The following GIPC2 variants were observed in gnomAD, a reference collection of about 807,000 sequenced individuals.
GIPC2 encodes the protein PDZ domain-containing protein GIPC2.
A neutral mutation model predicts 30.6 loss-of-function variants in GIPC2; 30 were observed. That is an observed-to-expected ratio of 0.98 (90% CI 0.73 to 1.33). The LOEUF is 1.33. Ranked by LOEUF, GIPC2 falls within the 40% of genes most tolerant of loss-of-function variation. The pLI, the probability that GIPC2 is intolerant of heterozygous loss-of-function variation, is 0.00. For synonymous variants in GIPC2, 167 were observed against 150.0 expected (o/e 1.11, Z -0.83); for missense variants, 414 against 390.3 (o/e 1.06, Z -0.51).
chr1:78,049,876 C>T (rs1341104232), intron 1 of GIPC2, among the ~76,000 whole-genome samples: 3 of 147,308 alleles, frequency 2.0e-5, no homozygotes, highest in East Asian at 2.0e-4. Context: ...ATTCCAAATA[C>T]GAACCCAGAA....
intron 2 of GIPC2, among the ~76,000 whole-genome samples, chr1:78,083,829 G>A (rs1661876389): frequency 6.6e-6 from 1 of 152,142 alleles, no homozygotes; most frequent in Non-Finnish European, 1.5e-5. Context: ...TTTTGACATG[G>A]CTCCTATCAT....
chr1:78,050,657 G>T (rs956074659), intron 1 of GIPC2, among the ~76,000 whole-genome samples: 2 of 147,532 alleles, frequency 1.4e-5, no homozygotes. Flanking sequence ...TTTTTGTGAC[G>T]GGAGTCTCGC....
Position 78,136,244 on chromosome 1 carries a change from T to C in GIPC2, c.*501T>C, listed in dbSNP as rs1422860618. On this transcript the variant is annotated 3_prime_UTR_variant, in exon 6 of 6. Coordinates refer to ENST00000370759, the MANE Select transcript of GIPC2 (RefSeq NM_017655.6). ...TTGGTCTAGAAGCATTGGTTTTTTT[T>C]TGATCCTCTGAGTAAGGGAAGGAAG... 1.3e-5 allele frequency: 2 copies of C among 152,196 alleles called. No homozygotes were observed. The highest frequency in any genetic ancestry group is 2.9e-5 in the Non-Finnish European group (2 of 68,028). 9.4% of individuals were successfully genotyped at this position (152,196 alleles called of 1,614,324 possible). A position where few individuals can be genotyped will look rare whatever the true frequency, so the allele number is the denominator to read the frequency against.
intron 5 of GIPC2, among the ~76,000 whole-genome samples, chr1:78,132,214 T>C (rs1307626473): frequency 1.3e-5 from 2 of 152,232 alleles, no homozygotes; most frequent in Non-Finnish European, 1.5e-5. Flanking sequence ...AGGAATCAAA[T>C]AATCTGTATA....
At chr1:78,062,171 G>A (rs1661406287) in intron 1 of GIPC2, among the ~76,000 whole-genome samples, 1 of 152,182 alleles carries the variant, frequency 6.6e-6, no homozygotes, top group Non-Finnish European at 1.5e-5. Context: ...AATGATAACT[G>A]TGTATCTATT....
intron 3 of GIPC2, among the ~76,000 whole-genome samples, chr1:78,098,751 C>T (rs975534764): frequency 6.6e-6 from 1 of 151,542 alleles, no homozygotes; most frequent in Admixed American, 6.6e-5. Context: ...TTTGGGTGGG[C>T]CCTAATCCAA....
intron 1 of GIPC2, 35 bp downstream of exon 1, chr1:78,046,369 C>CCGCCGCGCCGCGCCGCGCCGCGCCG (rs370883891): frequency 5.8e-6 from 9 of 1,557,716 alleles, no homozygotes; most frequent in Non-Finnish European, 4.4e-6. Context: ...TCCCGCCTCT[C>CCGCCGCGCCGCGCCGCGCCGCGCCG]CGCCGCGCCG....
intron 3 of GIPC2, among the ~76,000 whole-genome samples, 167 bp downstream of exon 3, chr1:78,095,299 A>G (rs906604355): frequency 3.3e-5 from 5 of 152,220 alleles, no homozygotes; most frequent in South Asian, 4.1e-4. Context: ...AAGAAAGACA[A>G]CTATTGAAGG....
At chr1:78,129,193 T>A (rs1662843439) in intron 5 of GIPC2, among the ~76,000 whole-genome samples, 1 of 152,214 alleles carries the variant, frequency 6.6e-6, no homozygotes, top group Non-Finnish European at 1.5e-5. Flanking sequence ...TCATTACACA[T>A]GATTAGCAAT....
At chr1:78,046,446 G>T (rs1661088924) in intron 1 of GIPC2, 112 bp downstream of exon 1, 2 of 1,010,668 alleles carry the variant, frequency 2.0e-6, no homozygotes, top group Non-Finnish European at 2.9e-6. Context: ...CGCGAAATCC[G>T]ATGCCGTGTT....
intron 1 of GIPC2, among the ~76,000 whole-genome samples, chr1:78,059,110 CT>C (rs1459636593): frequency 6.6e-6 from 1 of 152,136 alleles, no homozygotes; most frequent in Non-Finnish European, 1.5e-5. Flanking sequence ...CCTTGGTGAC[CT>C]TTTTAAAGAA....
rs780070578 is a variant in GIPC2, at chr1:78,080,794, G to A, written c.360G>A (p.Val120=). The A allele has an allele frequency of 2.5e-6, 4 of 1,609,464 alleles. No individual in the cohort carries two copies. In the South Asian group the frequency reaches 4.4e-5, roughly 18 times the overall value. ...HVKGIEKEVN[V]YKSEDSLGLT... ...AAGGAATCGAAAAAGAAGTGAATGTGTATAAATCTGAGGATTCACTTGGTC... is the reference window on the plus strand; with the variant it reads ...AAGGAATCGAAAAAGAAGTGAATGTATATAAATCTGAGGATTCACTTGGTC... Residue 120 remains valine (V), a synonymous_variant, in exon 2 of 6, where the codon GTG becomes GTA. Coordinates refer to ENST00000370759, the MANE Select transcript of GIPC2 (RefSeq NM_017655.6).
Position 78,135,682 on chromosome 1 carries a change from C to G in GIPC2, c.887C>G (p.Pro296Arg), listed in dbSNP as rs750159384. Residue 296 changes from proline (P) to arginine (R), a missense_variant, in exon 6 of 6, where the codon CCA becomes CGA. Pro to Arg is a moderately radical substitution (Grantham distance 103). Coordinates refer to ENST00000370759, the MANE Select transcript of GIPC2 (RefSeq NM_017655.6). ...GAAACTCTTGGAGACTTTGCGTTCC[C>G]AGACGAATTTGTCTTTGATGTTTGG... ...LDETLGDFAF[P>R]DEFVFDVWGV... 1 of 1,613,400 alleles carries G rather than the reference C, an allele frequency of 6.2e-7. No homozygotes were observed. Among genetic ancestry groups the G allele is most frequent in the Non-Finnish European group, 8.5e-7 (1 of 1,179,520 alleles).
chr1:78,097,252 C>A (rs1345542328), intron 3 of GIPC2, among the ~76,000 whole-genome samples: 2 of 152,024 alleles, frequency 1.3e-5, no homozygotes, highest in Admixed American at 6.6e-5. Flanking sequence ...GCCAAGAATT[C>A]AAATTTCATA....
At position 78,115,013 on chromosome 1, in the gene GIPC2, C is replaced by T. The variant is rs192007623; in HGVS notation, c.608-4380C>T. Among the ~76,000 whole-genome samples, 5 of 152,292 alleles carry T rather than the reference C, an allele frequency of 3.3e-5. No individual in the cohort carries two copies. The East Asian group carries it at 9.6e-4, about 29-fold the overall frequency. ...AAGTCTTCTATGCTACATACATTTTCCCTTCTGGCTACCAGTGTTGCAGGT... is the reference window on the plus strand; with the variant it reads ...AAGTCTTCTATGCTACATACATTTTTCCTTCTGGCTACCAGTGTTGCAGGT... On this transcript the variant is annotated intron_variant, in intron 3 of 5. Coordinates refer to ENST00000370759, the MANE Select transcript of GIPC2 (RefSeq NM_017655.6).
intron 4 of GIPC2, 142 bp from the exon 5 acceptor site, chr1:78,125,739 G>T: frequency 3.4e-6 from 2 of 589,484 alleles, no homozygotes; most frequent in Admixed American, 2.9e-5. Context: ...TAGTTACAGA[G>T]CACATTCTAG....
At chr1:78,053,382 T>C (rs936813863) in intron 1 of GIPC2, among the ~76,000 whole-genome samples, 3 of 152,118 alleles carry the variant, frequency 2.0e-5, no homozygotes, top group Non-Finnish European at 4.4e-5. Context: ...TTGGACCCTC[T>C]CCCAAATCAC....
intron 1 of GIPC2, among the ~76,000 whole-genome samples, chr1:78,072,872 T>C (rs1661648308): frequency 6.6e-6 from 1 of 152,032 alleles, no homozygotes; most frequent in Non-Finnish European, 1.5e-5. Context: ...TGGCATGATC[T>C]TGGCTCACTG....
chr1:78,098,011 A>G (rs546748141), intron 3 of GIPC2, among the ~76,000 whole-genome samples: 2 of 152,324 alleles, frequency 1.3e-5, no homozygotes, highest in South Asian at 4.1e-4. Context: ...TATAGGTAGG[A>G]AAAAAGTAGC....
Sources: allele counts gnomAD v4.1 joint callset (sites outside exome capture counted in the v4.1 genomes callset), GRCh38; gene constraint gnomAD v4.1.1; transcripts MANE v1.5; gene names NCBI Gene and HGNC (gene_info 2026-07-23, HGNC 2026-07-21).